The following MOSPD1 variants were observed in gnomAD, a reference collection of about 807,000 sequenced individuals.
MOSPD1 encodes the protein motile sperm domain-containing protein 1.
In MOSPD1, 5 loss-of-function variants were observed where a neutral mutation model predicts 16.7. The observed-to-expected ratio is 0.30, with a 90% CI of 0.16 to 0.63. The LOEUF is 0.63. Ranked by LOEUF, MOSPD1 falls within the 30% of genes least tolerant of loss-of-function variation. The pLI is 0.82. For missense variants in MOSPD1, 104 were observed against 153.6 expected (o/e 0.68, Z 1.71); for synonymous variants, 67 against 59.2 (o/e 1.13, Z -0.61).
chrX:134,893,744 C>G (rs1280360545), intron 4 of MOSPD1, among the ~76,000 whole-genome samples: 6 of 111,237 alleles, frequency 5.4e-5, no homozygotes, highest in Non-Finnish European at 1.1e-4. Context: ...CTTTCTATGA[C>G]AATGTATAAG....
At chrX:134,900,675 G>A (rs1399706055) in intron 1 of MOSPD1, among the ~76,000 whole-genome samples, 1 of 110,459 alleles carries the variant, frequency 9.1e-6, no homozygotes, top group Non-Finnish European at 1.9e-5. Flanking sequence ...TGATGTTTCT[G>A]TATTTATTTC....
At chrX:134,910,335 G>T (rs186896532) in intron 1 of MOSPD1, among the ~76,000 whole-genome samples, 175 of 110,562 alleles carry the variant, frequency 1.6e-3, no homozygotes, top group East Asian at 5.1e-3. Context: ...AGCCCAGAAG[G>T]CGGAGGTTGC....
chrX:134,892,033 A>G (rs1046996010), intron 4 of MOSPD1, among the ~76,000 whole-genome samples: 1 of 112,241 alleles, frequency 8.9e-6, no homozygotes, highest in African/African-American at 3.2e-5. Context: ...GATTTTTGGA[A>G]GAATGTGCTA....
chrX:134,909,323 G>A (rs927420928), intron 1 of MOSPD1, among the ~76,000 whole-genome samples: 6 of 111,736 alleles, frequency 5.4e-5, no homozygotes, highest in African/African-American at 9.8e-5. Flanking sequence ...TAAGTGGATC[G>A]AAGTTTGAAA....
chrX:134,893,029 ACCTTT>A (rs2082869591), intron 4 of MOSPD1, among the ~76,000 whole-genome samples: 1 of 111,679 alleles, frequency 9.0e-6, no homozygotes, highest in African/African-American at 3.3e-5. Context: ...TTTTCCCACT[ACCTTT>A]CCTTTCATTG....
Position 134,891,631 on chromosome X carries a change from GCT to G in MOSPD1, c.456_457del (p.Arg152SerfsTer7). 8.3e-7 allele frequency: 1 copy of G among 1,204,781 alleles called. No individual in the cohort carries two copies. The highest frequency in any genetic ancestry group is 1.1e-6 in the Non-Finnish European group (1 of 893,696). ...TAGTAAACTAGGTCCTGAGGATACA[GCT>G]CTGTTTTCTGTAAAAAGACAAAAAT... On this transcript the variant is annotated frameshift_variant, in exon 5 of 6. Coordinates refer to ENST00000370783, the MANE Select transcript of MOSPD1 (RefSeq NM_019556.3). LOFTEE classifies it high-confidence loss of function.
chrX:134,901,867 G>A (rs977523391), intron 1 of MOSPD1, among the ~76,000 whole-genome samples: 4 of 111,740 alleles, frequency 3.6e-5, no homozygotes, highest in Non-Finnish European at 3.8e-5. Flanking sequence ...CAACAGTGTC[G>A]GATGTGTTTT....
chrX:134,894,382 C>T lies in MOSPD1; in HGVS notation c.448+2435G>A, dbSNP rs751220907. Among the ~76,000 whole-genome samples, 5 of 111,852 alleles carry T rather than the reference C, an allele frequency of 4.5e-5. No individual in the cohort carries two copies. The South Asian group carries it at 1.1e-3, about 25-fold the overall frequency. Reference sequence around the variant, plus strand: ...CTGCACCTCTAATACTTTAATAATACGCATTTGTTGAAATATTCTCTAAGC... The same window carrying T: ...CTGCACCTCTAATACTTTAATAATATGCATTTGTTGAAATATTCTCTAAGC... On this transcript the variant is annotated intron_variant, in intron 4 of 5. Coordinates refer to ENST00000370783, the MANE Select transcript of MOSPD1 (RefSeq NM_019556.3).
chrX:134,912,926 G>C (rs1408157915), intron 1 of MOSPD1, among the ~76,000 whole-genome samples: 1 of 97,352 alleles, frequency 1.0e-5, no homozygotes. Flanking sequence ...GGGCGACGGA[G>C]ACTCTGTCTC....
chrX:134,901,434 A>C (rs1277389264), intron 1 of MOSPD1, among the ~76,000 whole-genome samples: 1 of 110,206 alleles, frequency 9.1e-6, no homozygotes, highest in Non-Finnish European at 1.9e-5. Flanking sequence ...GGATCACTTG[A>C]GGTCAGGAGT....
At chrX:134,903,571 G>A (rs1448865058) in intron 1 of MOSPD1, among the ~76,000 whole-genome samples, 1 of 108,374 alleles carries the variant, frequency 9.2e-6, no homozygotes, top group Non-Finnish European at 1.9e-5. Flanking sequence ...AATTAGCCAG[G>A]CGTGGTGGCG....
chrX:134,892,178 G>C (rs1396556144), intron 4 of MOSPD1, among the ~76,000 whole-genome samples: 1 of 111,620 alleles, frequency 9.0e-6, no homozygotes, highest in Non-Finnish European at 1.9e-5. Context: ...CCCCAGATAG[G>C]TTTGATCCTA....
At position 134,890,993 on chromosome X, in the gene MOSPD1, C is replaced by G. The variant is rs960278893; in HGVS notation, c.610+486G>C. Among the ~76,000 whole-genome samples the G allele has an allele frequency of 9.0e-5, 10 of 110,896 alleles. No homozygotes were observed. The Admixed American group carries it at 9.6e-4, about 11-fold the overall frequency. Reference sequence around the variant, plus strand: ...AAACAATTAACTCTAAGATTTCAAGCCAGGATGACTGAAATAGTGAATCAA... The same window carrying G: ...AAACAATTAACTCTAAGATTTCAAGGCAGGATGACTGAAATAGTGAATCAA... On this transcript the variant is annotated intron_variant, in intron 5 of 5. Coordinates refer to ENST00000370783, the MANE Select transcript of MOSPD1 (RefSeq NM_019556.3).
intron 1 of MOSPD1, among the ~76,000 whole-genome samples, chrX:134,906,946 C>T (rs1302667299): frequency 9.0e-6 from 1 of 111,514 alleles, no homozygotes; most frequent in African/African-American, 3.3e-5. Flanking sequence ...AGTCCTGCCT[C>T]GGCCTGGCAC....
At chrX:134,898,067 C>T (rs762345521) in intron 3 of MOSPD1, among the ~76,000 whole-genome samples, 7 of 109,296 alleles carry the variant, frequency 6.4e-5, no homozygotes, top group African/African-American at 1.7e-4. Flanking sequence ...TTAGTAGAGA[C>T]GGGGTTTCAC....
chrX:134,890,326 T>C (rs2082856288), intron 5 of MOSPD1, among the ~76,000 whole-genome samples: 1 of 110,487 alleles, frequency 9.1e-6, no homozygotes, highest in African/African-American at 3.3e-5. Context: ...CTGAAGGTTA[T>C]ATACTTCATC....
Position 134,888,990 on chromosome X carries a change from T to C in MOSPD1, c.*171A>G. ...ATCCTTGCTGTCTGTAAAATAATGT[T>C]CTGCAGTCCTTCAAATTAAATTATA... is the stretch of plus-strand genomic sequence containing the variant. On this transcript the variant is annotated 3_prime_UTR_variant, in exon 6 of 6. Coordinates refer to ENST00000370783, the MANE Select transcript of MOSPD1 (RefSeq NM_019556.3). The C allele has an allele frequency of 3.7e-6, 1 of 272,540 alleles. No individual in the cohort carries two copies. The highest frequency in any genetic ancestry group is 6.0e-5 in the East Asian group (1 of 16,718). 22.5% of individuals were successfully genotyped at this position (272,540 alleles called of 1,213,427 possible).
At chrX:134,896,722 A>G (rs1404211808) in intron 4 of MOSPD1, 95 bp downstream of exon 4, 4 of 640,614 alleles carry the variant, frequency 6.2e-6, no homozygotes, top group African/African-American at 2.2e-5. Context: ...GAAGTGGTAG[A>G]TGATTTTTCT....
chrX:134,887,914 G>T lies in MOSPD1; in HGVS notation c.*1247C>A, dbSNP rs748261794. 8.8e-6 allele frequency: 1 copy of T among 112,999 alleles called. No homozygotes were observed. Among genetic ancestry groups the T allele is most frequent in the East Asian group, 2.8e-4 (1 of 3,606 alleles). The allele number at this position is 112,999 out of a possible 1,213,427, so 9.3% of individuals were successfully genotyped here. ...GGAAGACTAGACATAGAAGTTTTTA[G>T]AAGCAGAGACTGTTTTCTGCAAAAA... is the stretch of plus-strand genomic sequence containing the variant. On this transcript the variant is annotated 3_prime_UTR_variant, in exon 6 of 6. Transcript: ENST00000370783.
Sources: gnomAD v4.1 joint callset for allele counts (sites outside exome capture counted in the v4.1 genomes callset) on GRCh38, gnomAD v4.1.1 for gene constraint, MANE v1.5 for transcripts, NCBI Gene and HGNC (gene_info 2026-07-23, HGNC 2026-07-21) for gene names.